The following NHEJ1 variants were observed in gnomAD, a reference collection of about 807,000 sequenced individuals.
The protein encoded by NHEJ1 is non-homologous end-joining factor 1.
A neutral mutation model predicts 39.4 loss-of-function variants in NHEJ1; 22 were observed. That is an observed-to-expected ratio of 0.56 (90% CI 0.40 to 0.80). The LOEUF (loss-of-function observed/expected upper bound fraction) is 0.80. NHEJ1 is among the 30% of genes least tolerant of loss of function. The pLI is 0.00. For synonymous variants in NHEJ1, 154 were observed against 135.6 expected, an observed-to-expected ratio of 1.14 and a Z score of -0.94; for missense variants, 329 against 357.1, an observed-to-expected ratio of 0.92 and a Z score of 0.63.
rs1278247055 is a variant in NHEJ1 at position 219,075,104 on chromosome 2, G to A, written c.*1277C>T. The stretch of plus-strand genomic sequence containing the variant: ...CTGGAAAATAAATGTTTTCATTAGT[G>A]TATATAATAATGCTGTTAAGAACTC... On this transcript the variant is annotated 3_prime_UTR_variant, in exon 8 of 8. Transcript: ENST00000356853. 3.3e-5 allele frequency among the ~76,000 whole-genome samples: 5 copies of A among 152,190 alleles called. No individual in the cohort carries two copies. The highest frequency in any genetic ancestry group is 5.9e-5 in the Non-Finnish European group (4 of 68,038).
chr2:219,078,115 T>A lies in NHEJ1; in HGVS notation c.680A>T (p.Gln227Leu). 3.7e-6 allele frequency: 6 copies of A among 1,614,178 alleles called. No individual in the cohort carries two copies. Among genetic ancestry groups the A allele is most frequent in the Non-Finnish European group, 5.1e-6 (6 of 1,179,986 alleles). ...LYMAVTTQEV[Q>L]VGQKHQGAGD... Reference sequence around the variant, plus strand: ...AGCGCCTTGATGCTTCTGTCCCACTTGGACCTCTTGTGTGGTGACTGCCAT... The same window carrying A: ...AGCGCCTTGATGCTTCTGTCCCACTAGGACCTCTTGTGTGGTGACTGCCAT... The change falls in exon 6 of 8, where the codon CAA becomes CTA. Residue 227 changes from glutamine to leucine, a missense_variant. By Grantham distance (113) the Gln-to-Leu change is moderately radical. Transcript: ENST00000356853.
chr2:219,137,570 CAAA>C (rs58279021), intron 5 of NHEJ1, among the ~76,000 whole-genome samples: 9 of 34,722 alleles, frequency 2.6e-4, no homozygotes, highest in Non-Finnish European at 5.0e-4. Flanking sequence ...GTGTTACAGG[CAAA>C]AAAAAAAAAA....
intron 5 of NHEJ1, among the ~76,000 whole-genome samples, chr2:219,104,864 G>A (rs1245972794): frequency 6.6e-6 from 1 of 152,208 alleles, no homozygotes; most frequent in Non-Finnish European, 1.5e-5. Flanking sequence ...TAGAATTGAG[G>A]CAAAGGCAAT....
chr2:219,157,466 A>G lies in NHEJ1; in HGVS notation c.390+6T>C, dbSNP rs994027831. 1 of 1,612,598 alleles carries G rather than the reference A, an allele frequency of 6.2e-7. No homozygotes were observed. Among genetic ancestry groups the G allele is most frequent in the Non-Finnish European group, 8.5e-7 (1 of 1,179,314 alleles). On this transcript the variant is annotated splice_donor_region_variant and intron_variant, in intron 3 of 7. Coordinates refer to ENST00000356853, the MANE Select transcript of NHEJ1 (RefSeq NM_024782.3). ...TCCCCCAACCCCACATTCGAATTAC[A>G]CTTACCAGGGAAGGACTAGCTAGCA...
chr2:219,112,000 G>A lies in NHEJ1; in HGVS notation c.589-33794C>T, dbSNP rs1949370414. On this transcript the variant is annotated intron_variant, in intron 5 of 7. Transcript: ENST00000356853. This position sits in a 1 kb window ranked among gnomAD's most constrained non-coding sequence, Gnocchi z 4.1. The stretch of plus-strand genomic sequence containing the variant: ...CAAAGTTCCCAAAAGCCTTAAAAGG[G>A]GAATTTCTAGGAAAGCAAATAAGGC... 6.6e-6 allele frequency among the ~76,000 whole-genome samples: 1 copy of A among 152,132 alleles called. No individual in the cohort carries two copies. Among genetic ancestry groups the A allele is most frequent in the African/African-American group, 2.4e-5 (1 of 41,428 alleles).
intron 3 of NHEJ1, among the ~76,000 whole-genome samples, chr2:219,156,897 A>T (rs1484644115): frequency 6.6e-6 from 1 of 152,238 alleles, no homozygotes; most frequent in African/African-American, 2.4e-5. Context: ...CAAACTCATT[A>T]GAATCCTTCA....
intron 3 of NHEJ1, among the ~76,000 whole-genome samples, chr2:219,151,537 A>C (rs1949795094): frequency 6.6e-6 from 1 of 152,234 alleles, no homozygotes; most frequent in South Asian, 2.1e-4. Context: ...TGCTAAAATA[A>C]TTTCATAGGA....
Position 219,072,465 on chromosome 2 carries a change from T to C in NHEJ1, c.*3916A>G, listed in dbSNP as rs562384016. ...TCACTTATTCCTTTCTAACAGTTTTTTCTTCAAGAAAAATTAGAAGACAGA... is the reference window on the plus strand; with the variant it reads ...TCACTTATTCCTTTCTAACAGTTTTCTCTTCAAGAAAAATTAGAAGACAGA... On this transcript the variant is annotated 3_prime_UTR_variant, in exon 8 of 8. Coordinates refer to ENST00000356853, the MANE Select transcript of NHEJ1 (RefSeq NM_024782.3). 6.6e-6 allele frequency among the ~76,000 whole-genome samples: 1 copy of C among 152,334 alleles called. No individual in the cohort carries two copies. Among genetic ancestry groups the C allele is most frequent in the East Asian group, 1.9e-4 (1 of 5,182 alleles).
At chr2:219,108,275 G>A (rs73991046) in intron 5 of NHEJ1, among the ~76,000 whole-genome samples, 12 of 152,308 alleles carry the variant, frequency 7.9e-5, no homozygotes, top group Non-Finnish European at 1.3e-4. Flanking sequence ...CTGAGTGTCC[G>A]TCCTTCCACA....
intron 3 of NHEJ1, among the ~76,000 whole-genome samples, chr2:219,155,976 G>A (rs767200897): frequency 1.0e-4 from 15 of 150,202 alleles, no homozygotes; most frequent in Non-Finnish European, 2.1e-4. Context: ...CAGGCCGGGT[G>A]CGGTGGCTCA....
chr2:219,130,313 G>C (rs1425195429), intron 5 of NHEJ1, among the ~76,000 whole-genome samples: 1 of 152,088 alleles, frequency 6.6e-6, no homozygotes. Flanking sequence ...CAGGCTTTGA[G>C]ACCTCAGAAG....
Position 219,147,809 on chromosome 2 carries a change from G to T in NHEJ1, c.391-14C>A, listed in dbSNP as rs755272050. 1.2e-6 allele frequency: 2 copies of T among 1,613,894 alleles called. No individual in the cohort carries two copies. The highest frequency in any genetic ancestry group is 1.7e-6 in the Non-Finnish European group (2 of 1,179,848). On this transcript the variant is annotated splice_polypyrimidine_tract_variant and intron_variant, in intron 3 of 7. Transcript: ENST00000356853. ...ATGTTGGGAGACCTTTGAGGGAAGAGATATCAATTAGCCAAAAGACTCTTA... is the reference window on the plus strand; with the variant it reads ...ATGTTGGGAGACCTTTGAGGGAAGATATATCAATTAGCCAAAAGACTCTTA...
At chr2:219,082,954 G>A (rs1949079562) in intron 5 of NHEJ1, among the ~76,000 whole-genome samples, 1 of 152,242 alleles carries the variant, frequency 6.6e-6, no homozygotes, top group Non-Finnish European at 1.5e-5. Context: ...CTCTTCTAAG[G>A]TCTCAAATGG....
chr2:219,151,150 A>G (rs1325230670), intron 3 of NHEJ1, among the ~76,000 whole-genome samples: 1 of 149,886 alleles, frequency 6.7e-6, no homozygotes, highest in Non-Finnish European at 1.5e-5. Context: ...AAAAAAAAAA[A>G]GTTTGGTACT....
intron 5 of NHEJ1, among the ~76,000 whole-genome samples, chr2:219,129,699 T>C (rs1267247393): frequency 6.6e-6 from 1 of 152,190 alleles, no homozygotes; most frequent in Non-Finnish European, 1.5e-5. Flanking sequence ...GTAATTATGG[T>C]GTGGTCAACA....
intron 1 of NHEJ1, among the ~76,000 whole-genome samples, chr2:219,159,654 G>C (rs2106371707): frequency 6.8e-6 from 1 of 147,860 alleles, no homozygotes; most frequent in East Asian, 2.0e-4. Flanking sequence ...TCAAAGCCTT[G>C]TGTTTGGAGG....
chr2:219,087,256 G>A (rs1198967244), intron 5 of NHEJ1, among the ~76,000 whole-genome samples: 4 of 152,094 alleles, frequency 2.6e-5, no homozygotes, highest in African/African-American at 9.7e-5. Flanking sequence ...GGTAGAAACT[G>A]GAAAGAACAA....
At chr2:219,145,036 G>A (rs776115642) in intron 5 of NHEJ1, among the ~76,000 whole-genome samples, 17 of 152,104 alleles carry the variant, frequency 1.1e-4, no homozygotes, top group Admixed American at 2.0e-4. Flanking sequence ...TCAACATGGC[G>A]AAACCCCGTT....
At chr2:219,149,594 T>A (rs1949776630) in intron 3 of NHEJ1, among the ~76,000 whole-genome samples, 1 of 152,152 alleles carries the variant, frequency 6.6e-6, no homozygotes, top group African/African-American at 2.4e-5. Context: ...CCAGCCTGGG[T>A]GACAGAACAA....
Sources: allele counts gnomAD v4.1 joint callset (sites outside exome capture counted in the v4.1 genomes callset), GRCh38; gene constraint gnomAD v4.1.1; non-coding constraint Gnocchi (gnomAD v3.1); transcripts MANE v1.5; gene names NCBI Gene and HGNC (gene_info 2026-07-23, HGNC 2026-07-21).